Variants in ADARB2 observed in about 807,000 individuals in gnomAD.
ADARB2 encodes the protein adenosine deaminase RNA specific B2 (inactive), also known as inactive double-stranded RNA-specific editase B2.
ADARB2 carries 25 observed loss-of-function variants against 62.2 expected under a neutral mutation model. The ratio of observed to expected loss-of-function variants is 0.40; its 90% CI spans 0.29 to 0.56. The LOEUF is 0.56. Among genes scored for constraint, ADARB2 ranks in the 20% least tolerant of loss-of-function variants. The pLI, the probability that ADARB2 is intolerant of heterozygous loss-of-function variation, is 0.43. For synonymous variants in ADARB2, 572 were observed against 500.8 expected (o/e 1.14, Z -1.90); for missense variants, 1,071 against 1,077.4 (o/e 0.99, Z 0.08).
chr10:1,375,404 G>T (rs11250484), intron 2 of ADARB2, among the ~76,000 whole-genome samples: 85,312 of 152,072 alleles, frequency 0.56, 25,390 homozygotes, highest in East Asian at 0.8. Flanking sequence ...GCTTCCAGAT[G>T]CGGCTCCCAG....
At chr10:1,609,974 G>A (rs1057267356) in intron 1 of ADARB2, among the ~76,000 whole-genome samples, 6 of 152,294 alleles carry the variant, frequency 3.9e-5, no homozygotes, top group African/African-American at 1.2e-4. Flanking sequence ...GCATAATTTT[G>A]TTTTCAGCTA....
At chr10:1,666,460 G>C (rs1372934919) in intron 1 of ADARB2, among the ~76,000 whole-genome samples, 1 of 152,240 alleles carries the variant, frequency 6.6e-6, no homozygotes, top group African/African-American at 2.4e-5. Context: ...AGCTCAGACT[G>C]TGTTCCCCCA....
chr10:1,204,456 G>C (rs538351537), intron 7 of ADARB2, among the ~76,000 whole-genome samples: 2 of 152,338 alleles, frequency 1.3e-5, no homozygotes, highest in Middle Eastern at 3.4e-3. Flanking sequence ...TTACATAAAT[G>C]ATGGTGCATT....
chr10:1,295,485 T>C (rs1185889674), intron 3 of ADARB2, among the ~76,000 whole-genome samples: 1 of 152,128 alleles, frequency 6.6e-6, no homozygotes, highest in Non-Finnish European at 1.5e-5. Flanking sequence ...ATCAGAGATG[T>C]CCGATGCAAT....
chr10:1,569,359 C>G (rs1314819443), intron 1 of ADARB2, among the ~76,000 whole-genome samples: 3 of 152,210 alleles, frequency 2.0e-5, no homozygotes, highest in African/African-American at 7.2e-5. Context: ...CATCGTGTGG[C>G]ACCAGACACA....
intron 2 of ADARB2, among the ~76,000 whole-genome samples, chr10:1,376,965 T>C (rs1034141391): frequency 7.8e-5 from 11 of 140,610 alleles, no homozygotes; most frequent in African/African-American, 2.9e-4. Context: ...TGTGTTTGTG[T>C]GCACCCCTGG....
chr10:1,310,381 T>C (rs1226908159), intron 3 of ADARB2, among the ~76,000 whole-genome samples: 2 of 142,836 alleles, frequency 1.4e-5, no homozygotes, highest in Admixed American at 6.8e-5. Context: ...CTTCATTGAC[T>C]CTGAATAACA....
chr10:1,314,443 T>TTCCTCCTCCTCCTCCTCC (rs147004052), intron 3 of ADARB2, among the ~76,000 whole-genome samples: 8 of 150,704 alleles, frequency 5.3e-5, no homozygotes, highest in African/African-American at 1.5e-4. Context: ...CAGCCAGTCC[T>TTCCTCCTCCTCCTCCTCC]TCCTCCTCCT....
intron 3 of ADARB2, among the ~76,000 whole-genome samples, chr10:1,341,670 T>C (rs1375226307): frequency 0.04 from 1,996 of 50,074 alleles, no homozygotes; most frequent in Middle Eastern, 0.098. Context: ...CAGCATCAGC[T>C]AGAGAACCAC....
At chr10:1,695,105 G>T (rs1334014202) in intron 1 of ADARB2, among the ~76,000 whole-genome samples, 1 of 152,186 alleles carries the variant, frequency 6.6e-6, no homozygotes, top group Non-Finnish European at 1.5e-5. Context: ...CCTGAAAACA[G>T]CGCATCTGTT....
chr10:1,493,783 G>A (rs1319702308), intron 1 of ADARB2, among the ~76,000 whole-genome samples: 4 of 86,940 alleles, frequency 4.6e-5, no homozygotes, highest in Non-Finnish European at 8.3e-5. Context: ...TTTTGAGATA[G>A]GGTCTCGCTC....
chr10:1,508,589 A>G (rs1006524540), intron 1 of ADARB2, among the ~76,000 whole-genome samples: 1 of 152,210 alleles, frequency 6.6e-6, no homozygotes, highest in African/African-American at 2.4e-5. Context: ...AGACCAGCCC[A>G]GCCAACATGG....
rs145620347 is a variant in ADARB2 at position 1,639,181 on chromosome 10, C to A, written c.100+97870G>T. 4.6e-3 allele frequency among the ~76,000 whole-genome samples: 694 copies of A among 152,364 alleles called. 5 individuals are homozygous for A. Among genetic ancestry groups the A allele is most frequent in the Middle Eastern group, 6.8e-3 (2 of 294 alleles). Reference sequence around the variant, plus strand: ...TCTCCTGCTGCCTGCCAAGCCTGTCCTGGAACTGAGCCAGGAGGCTGACTG... The same window carrying A: ...TCTCCTGCTGCCTGCCAAGCCTGTCATGGAACTGAGCCAGGAGGCTGACTG... On this transcript the variant is annotated intron_variant, in intron 1 of 9. Transcript: ENST00000381312.
At chr10:1,713,124 C>CA (rs1284959132) in intron 1 of ADARB2, among the ~76,000 whole-genome samples, 7 of 152,132 alleles carry the variant, frequency 4.6e-5, no homozygotes, top group Admixed American at 4.6e-4. Flanking sequence ...ATGGAGGCTG[C>CA]AGACATGGGG....
intron 3 of ADARB2, among the ~76,000 whole-genome samples, chr10:1,361,983 T>G (rs192038323): frequency 7.9e-5 from 12 of 152,328 alleles, no homozygotes; most frequent in Middle Eastern, 3.4e-3. Flanking sequence ...ATTCTGAACA[T>G]GATAAGAGAA....
intron 3 of ADARB2, among the ~76,000 whole-genome samples, chr10:1,297,902 C>G (rs886064478): frequency 1.3e-5 from 2 of 152,164 alleles, no homozygotes; most frequent in Middle Eastern, 3.2e-3. Flanking sequence ...GACAGATGCC[C>G]CTTAGAATCA....
chr10:1,515,137 A>G (rs896874080), intron 1 of ADARB2, among the ~76,000 whole-genome samples: 3 of 152,244 alleles, frequency 2.0e-5, no homozygotes, highest in African/African-American at 7.2e-5. Flanking sequence ...CATCATTAAC[A>G]AAAAAAGAAC....
chr10:1,546,371 C>T lies in ADARB2; in HGVS notation c.101-167211G>A, dbSNP rs138875228. Among the ~76,000 whole-genome samples the T allele has an allele frequency of 2.7e-3, 410 of 152,330 alleles. 5 individuals carry two copies. Among genetic ancestry groups the T allele is most frequent in the African/African-American group, 9.2e-3 (383 of 41,580 alleles). ...TCCTGCACTTACAGACCGGCCTCCACGGGGTGGGAAGGCTCTCCCGTGCTT... is the reference window on the plus strand; with the variant it reads ...TCCTGCACTTACAGACCGGCCTCCATGGGGTGGGAAGGCTCTCCCGTGCTT... On this transcript the variant is annotated intron_variant, in intron 1 of 9. Transcript: ENST00000381312.
chr10:1,525,599 T>G (rs73586261), intron 1 of ADARB2, among the ~76,000 whole-genome samples: 4,966 of 152,218 alleles, frequency 0.033, 246 homozygotes, highest in African/African-American at 0.11. Context: ...GTTGCATCTG[T>G]GTCCTGTTAC....
Sources: gnomAD v4.1 joint callset for allele counts (sites outside exome capture counted in the v4.1 genomes callset) on GRCh38, gnomAD v4.1.1 for gene constraint, MANE v1.5 for transcripts, NCBI Gene and HGNC (gene_info 2026-07-23, HGNC 2026-07-21) for gene names.